PREPL: variants seen among roughly 807,000 people sequenced by gnomAD.
The protein encoded by PREPL is prolyl endopeptidase like.
PREPL carries 77 observed loss-of-function variants against 70.6 expected under a neutral mutation model. That is an observed-to-expected ratio of 1.09 (90% confidence interval 0.91 to 1.32). The LOEUF is 1.32. Ranked by LOEUF, PREPL falls within the 40% of genes most tolerant of loss-of-function variation. PREPL has a pLI of 0.00. For synonymous variants in PREPL, 315 were observed against 264.8 expected (o/e 1.19, Z -1.84); for missense variants, 1,002 against 778.2 (o/e 1.29, Z -3.42).
chr2:44,359,683 A>T (rs2104272045), intron 1 of PREPL: 1 of 1,613,024 alleles, frequency 6.2e-7, no homozygotes, highest in Non-Finnish European at 8.5e-7. Flanking sequence ...TATACTTCAA[A>T]GCTTGGAGAA....
intron 8 of PREPL, among the ~76,000 whole-genome samples, chr2:44,329,679 T>C (rs1673893035): frequency 6.6e-6 from 1 of 152,186 alleles, no homozygotes; most frequent in African/African-American, 2.4e-5. Context: ...AAAAAAAATT[T>C]AAAGTGGTCT....
At chr2:44,358,704 T>A (rs1677320192) in intron 1 of PREPL, among the ~76,000 whole-genome samples, 1 of 152,186 alleles carries the variant, frequency 6.6e-6, no homozygotes, top group Admixed American at 6.5e-5. Context: ...ATAAGGGCAA[T>A]CAGGTCCTTA....
intron 1 of PREPL, among the ~76,000 whole-genome samples, chr2:44,348,608 A>G (rs1201230289): frequency 6.6e-6 from 1 of 152,118 alleles, no homozygotes; most frequent in African/African-American, 2.4e-5. Context: ...GGGCTCCAAA[A>G]CTCATCTTCT....
At chr2:44,352,315 G>A (rs886819266) in intron 1 of PREPL, among the ~76,000 whole-genome samples, 2 of 152,090 alleles carry the variant, frequency 1.3e-5, no homozygotes, top group Non-Finnish European at 2.9e-5. Context: ...CTCAGCTGGA[G>A]TGCAGTGGCA....
At chr2:44,332,390 C>G in intron 8 of PREPL, 69 bp downstream of exon 8, 1 of 1,360,336 alleles carries the variant, frequency 7.4e-7, no homozygotes, top group Non-Finnish European at 1.0e-6. Flanking sequence ...ACTCCAACAA[C>G]TGCATGGCAT....
intron 1 of PREPL, among the ~76,000 whole-genome samples, chr2:44,357,771 T>A (rs1048884402): frequency 6.6e-6 from 1 of 152,102 alleles, no homozygotes; most frequent in African/African-American, 2.4e-5. Context: ...CTAAACACAA[T>A]GCAAAATAAA....
At chr2:44,326,054 G>A (rs1673456976) in intron 10 of PREPL, among the ~76,000 whole-genome samples, 2 of 152,204 alleles carry the variant, frequency 1.3e-5, no homozygotes, top group South Asian at 2.1e-4. Context: ...CTGTCAAGGT[G>A]ACCAGGAGCC....
rs745514099 is a variant in PREPL, at chr2:44,339,270, G to A, written c.579C>T (p.Gly193=). The change falls in exon 6 of 14, where the codon GGC becomes GGT. Residue 193 remains glycine, a synonymous_variant. Transcript: ENST00000409411. ...KTTSEVWLID[G]LSPWDPPVLI... is the part of the protein sequence containing the mutation. ...GTACTGGTGGGTCCCAAGGGCTCAG[G>A]CCATCTATCAACCACACTTCAGAAG... 1.2e-6 allele frequency: 2 copies of A among 1,614,076 alleles called. No individual in the cohort carries two copies. The highest frequency in any genetic ancestry group is 2.2e-5 in the East Asian group (1 of 44,880).
In PREPL at chr2:44,318,198, C is replaced by G. The variant is rs1347330643; in HGVS notation, c.*3158G>C. On this transcript the variant is annotated 3_prime_UTR_variant, in exon 14 of 14. Coordinates refer to ENST00000409411, the MANE Select transcript of PREPL (RefSeq NM_001171613.2). The stretch of plus-strand genomic sequence containing the variant: ...CTCTGCTTCCTGGGTTCAAGTGATT[C>G]TCCTGCTGCAGCCTCCCAAGTAGCT... The G allele has an allele frequency of 2.5e-6, 1 of 406,004 alleles. No individual in the cohort carries two copies. Among genetic ancestry groups the G allele is most frequent in the Non-Finnish European group, 4.9e-6 (1 of 203,456 alleles). 25.2% of individuals were successfully genotyped at this position (406,004 alleles called of 1,614,324 possible).
In PREPL at chr2:44,339,323, G is replaced by A; in HGVS notation, c.526C>T (p.Leu176Phe). The A allele has an allele frequency of 6.2e-7, 1 of 1,613,990 alleles. No homozygotes were observed. Among genetic ancestry groups the A allele is most frequent in the East Asian group, 2.2e-5 (1 of 44,856 alleles). The change falls in exon 6 of 14, where the codon CTC becomes TTC. Residue 176 changes from leucine to phenylalanine, a missense_variant. Transcript: ENST00000409411. ...FLYLTKDSRF[L>F]TINIMNKTTS... ...GTCTTGTTCATAATATTTATGGTGA[G>A]GAAACGACTGTCTTTTGTAAGATAA...
Position 44,319,024 on chromosome 2 carries a change from G to C in PREPL, c.*2332C>G, listed in dbSNP as rs1448571054. On this transcript the variant is annotated 3_prime_UTR_variant, in exon 14 of 14. Coordinates refer to ENST00000409411, the MANE Select transcript of PREPL (RefSeq NM_001171613.2). Reference sequence around the variant, plus strand: ...CACTTACCGGGCACTTCTTATGTGAGTGGCACTGAAACATGTGCTTTCATG... The same window carrying C: ...CACTTACCGGGCACTTCTTATGTGACTGGCACTGAAACATGTGCTTTCATG... The C allele has an allele frequency of 6.6e-6, 1 of 152,192 alleles. No homozygotes were observed. Among genetic ancestry groups the C allele is most frequent in the Non-Finnish European group, 1.5e-5 (1 of 68,026 alleles). The allele number at this position is 152,192 out of a possible 1,614,324, so 9.4% of individuals were successfully genotyped here.
Position 44,323,299 on chromosome 2 carries a change from A to G in PREPL, c.1592T>C (p.Ile531Thr). ...ATTTTGATAGGGACAGTAACGTTTTATGTAGTTCTTGTGTTTTTCATCAGA... is the reference window on the plus strand; with the variant it reads ...ATTTTGATAGGGACAGTAACGTTTTGTGTAGTTCTTGTGTTTTTCATCAGA... ...PSSDEKHKNY[I>T]KRYCPYQNIK... The change falls in exon 11 of 14, where the codon ATA becomes ACA. Residue 531 changes from isoleucine to threonine, a missense_variant. Transcript: ENST00000409411. The G allele has an allele frequency of 6.2e-7, 1 of 1,608,236 alleles. No homozygotes were observed. The highest frequency in any genetic ancestry group is 1.1e-5 in the South Asian group (1 of 90,604).
Position 44,342,358 on chromosome 2 carries a change from A to C in PREPL, c.485+59T>G, listed in dbSNP as rs543322992. ...ACGTTTTAAGTCAACCAAAGTCAGT[A>C]CTTTAAATAACTGGAGGAAGGTTCT... is the stretch of plus-strand genomic sequence containing the variant. On this transcript the variant is annotated intron_variant, in intron 5 of 13. Transcript: ENST00000409411. The C allele has an allele frequency of 2.1e-4, 300 of 1,451,022 alleles. 2 individuals are homozygous for C. The South Asian group carries it at 4.0e-3, about 19-fold the overall frequency. The allele number at this position is 1,451,022 out of a possible 1,614,324, so 89.9% of individuals were successfully genotyped here. A position where few individuals can be genotyped will look rare whatever the true frequency, so the allele number is the denominator to read the frequency against.
At chr2:44,348,636 C>G (rs1197483364) in intron 1 of PREPL, among the ~76,000 whole-genome samples, 1 of 152,102 alleles carries the variant, frequency 6.6e-6, no homozygotes, top group Non-Finnish European at 1.5e-5. Flanking sequence ...ACATTCCTTC[C>G]TGATTAACAT....
intron 11 of PREPL, 35 bp downstream of exon 11, chr2:44,323,227 A>T: frequency 6.5e-7 from 1 of 1,534,898 alleles, no homozygotes; most frequent in Non-Finnish European, 8.8e-7. Flanking sequence ...TTCTGTGTAA[A>T]TTCAGGATAA....
chr2:44,350,124 C>T (rs1676256980), intron 1 of PREPL, among the ~76,000 whole-genome samples: 1 of 151,920 alleles, frequency 6.6e-6, no homozygotes, highest in Non-Finnish European at 1.5e-5. Flanking sequence ...CAAAATTAGA[C>T]AATGATGATA....
At chr2:44,342,930 T>G (rs924818258) in intron 4 of PREPL, among the ~76,000 whole-genome samples, 1 of 152,196 alleles carries the variant, frequency 6.6e-6, no homozygotes, top group African/African-American at 2.4e-5. Flanking sequence ...TTCTCTCATG[T>G]GTAAACCTTC....
chr2:44,321,774 C>A (rs753998704), intron 13 of PREPL, 53 bp downstream of exon 13: 1 of 1,613,554 alleles, frequency 6.2e-7, no homozygotes, highest in Non-Finnish European at 8.5e-7. Context: ...AATGTGAAAA[C>A]AACATGTATC....
chr2:44,329,155 A>G (rs775007714), intron 8 of PREPL, 43 bp from the exon 9 acceptor site: 4 of 1,491,656 alleles, frequency 2.7e-6, no homozygotes, highest in Middle Eastern at 1.7e-4. Flanking sequence ...AGAGTCTTTT[A>G]TAATAACTGT....
Sources: gnomAD v4.1 joint callset for allele counts (sites outside exome capture counted in the v4.1 genomes callset) on GRCh38, gnomAD v4.1.1 for gene constraint, MANE v1.5 for transcripts, NCBI Gene and HGNC (gene_info 2026-07-23, HGNC 2026-07-21) for gene names.